STPG2: variants seen among roughly 807,000 people sequenced by gnomAD.
The protein encoded by STPG2 is sperm tail PG-rich repeat containing 2.
A neutral mutation model predicts 54.2 loss-of-function variants in STPG2; 56 were observed. The ratio of observed to expected loss-of-function variants is 1.03; its 90% CI spans 0.83 to 1.29. STPG2 has a LOEUF of 1.29. STPG2 is among the 50% of genes most tolerant of loss of function. The pLI is 0.00. For synonymous variants in STPG2, 200 were observed against 181.8 expected, an observed-to-expected ratio of 1.10 and a Z score of -0.81; for missense variants, 596 against 544.9, an observed-to-expected ratio of 1.09 and a Z score of -0.93.
Position 97,620,240 on chromosome 4 carries a change from G to T in STPG2, c.1321-61123C>A, listed in dbSNP as rs1043428005. Among the ~76,000 whole-genome samples the T allele has an allele frequency of 3.9e-5, 6 of 152,274 alleles. 1 individual carries two copies. Among genetic ancestry groups the T allele is most frequent in the Admixed American group, 6.5e-5 (1 of 15,304 alleles). ...AGGATAATAACTGGCATGTAACAAA[G>T]TCTTAATAAATATTTTTGAAAGAGT... On this transcript the variant is annotated intron_variant, in intron 10 of 10. Transcript: ENST00000295268.
chr4:98,003,365 G>A lies in STPG2; in HGVS notation c.613-22047C>T, dbSNP rs553617856. On this transcript the variant is annotated intron_variant, in intron 5 of 10. Transcript: ENST00000295268. ...TGCTCTGTTGGAACATTTGGAATTG[G>A]CTTACAAATTAGCTAAATAATACAT... Among the ~76,000 whole-genome samples the A allele has an allele frequency of 4.6e-4, 70 of 151,878 alleles. 1 individual carries two copies. Among genetic ancestry groups the A allele is most frequent in the Admixed American group, 1.9e-3 (29 of 15,238 alleles).
At chr4:97,732,836 GCTAAAA>G (rs1384361841) in intron 9 of STPG2, among the ~76,000 whole-genome samples, 1 of 152,054 alleles carries the variant, frequency 6.6e-6, no homozygotes, top group Non-Finnish European at 1.5e-5. Context: ...ATGAAAAAAT[GCTAAAA>G]CCACTAATCA....
intron 8 of STPG2, among the ~76,000 whole-genome samples, chr4:97,889,736 G>T (rs1730699113): frequency 6.6e-6 from 1 of 152,110 alleles, no homozygotes. Flanking sequence ...CATTCAGACA[G>T]TAGGAAAAGT....
intron 4 of STPG2, among the ~76,000 whole-genome samples, chr4:97,511,773 CA>C (rs1730978319): frequency 6.6e-6 from 1 of 151,406 alleles, no homozygotes; most frequent in Admixed American, 6.6e-5. Context: ...GAAAACAGAG[CA>C]ATTATGTAAT....
At chr4:98,059,242 T>C (rs1283458434) in intron 5 of STPG2, among the ~76,000 whole-genome samples, 1 of 151,932 alleles carries the variant, frequency 6.6e-6, no homozygotes, top group Non-Finnish European at 1.5e-5. Flanking sequence ...CTAGAAAACC[T>C]AGAAGAGACG....
At chr4:98,018,466 C>A (rs1394681371) in intron 5 of STPG2, among the ~76,000 whole-genome samples, 46 of 152,230 alleles carry the variant, frequency 3.0e-4, no homozygotes, top group Non-Finnish European at 1.5e-5. Context: ...TGAGTAGTGC[C>A]ACAATAAACA....
In STPG2 at chr4:97,789,387, C is replaced by G. The variant is rs575583282; in HGVS notation, c.1204+51386G>C. ...TTCGCAATATGCAGGTGTTTCATCA[C>G]CTAGAACATAACATTTTCTAAAGCC... On this transcript the variant is annotated intron_variant, in intron 9 of 10. Transcript: ENST00000295268. 2.6e-5 allele frequency among the ~76,000 whole-genome samples: 4 copies of G among 152,032 alleles called. No individual in the cohort carries two copies. In the South Asian group the frequency reaches 8.3e-4, roughly 32 times the overall value.
At chr4:97,600,104 G>A (rs1204677180) in intron 10 of STPG2, among the ~76,000 whole-genome samples, 1 of 152,072 alleles carries the variant, frequency 6.6e-6, no homozygotes, top group East Asian at 1.9e-4. Context: ...GAAGGTTGGT[G>A]GAGCGTGAGG....
intron 10 of STPG2, among the ~76,000 whole-genome samples, chr4:97,654,698 G>A (rs911788441): frequency 4.6e-5 from 7 of 151,618 alleles, no homozygotes; most frequent in Admixed American, 2.6e-4. Context: ...TGAGAAGAGC[G>A]GCCAGAACAC....
intron 8 of STPG2, among the ~76,000 whole-genome samples, chr4:97,901,424 C>T (rs1396046726): frequency 2.0e-5 from 3 of 151,810 alleles, no homozygotes; most frequent in African/African-American, 4.8e-5. Context: ...CATGTTCTTA[C>T]ATATAGAAAG....
At chr4:97,719,822 T>G (rs1388240308) in intron 9 of STPG2, among the ~76,000 whole-genome samples, 2 of 151,978 alleles carry the variant, frequency 1.3e-5, no homozygotes, top group African/African-American at 4.8e-5. Context: ...TTTTTAGTAA[T>G]TGTCCATGAA....
chr4:97,937,370 G>A (rs35685312), intron 8 of STPG2, among the ~76,000 whole-genome samples: 59,262 of 151,700 alleles, frequency 0.39, 11,686 homozygotes, highest in Middle Eastern at 0.46. Flanking sequence ...CTTTCTAAAG[G>A]CTACTTCTGT....
intron 10 of STPG2, among the ~76,000 whole-genome samples, chr4:97,593,633 T>G (rs879621812): frequency 6.6e-6 from 1 of 152,114 alleles, no homozygotes; most frequent in Admixed American, 6.5e-5. Context: ...CCAGACCCAC[T>G]GCTACACCAC....
chr4:97,557,109 A>G (rs1372820261), downstream of STPG2, among the ~76,000 whole-genome samples: 1 of 152,100 alleles, frequency 6.6e-6, no homozygotes, highest in East Asian at 1.9e-4. Flanking sequence ...TGAACCTGGG[A>G]GGCGGAGGTT....
chr4:97,842,682 A>C (rs1728837699), intron 8 of STPG2, among the ~76,000 whole-genome samples: 1 of 151,958 alleles, frequency 6.6e-6, no homozygotes. Context: ...AAGAAACTGC[A>C]TCAGTGATCA....
intron 4 of STPG2, among the ~76,000 whole-genome samples, chr4:97,490,437 G>T (rs1730479852): frequency 6.6e-6 from 1 of 151,280 alleles, no homozygotes; most frequent in South Asian, 2.1e-4. Flanking sequence ...CTACTACTCT[G>T]TTTGCCACTT....
At chr4:97,791,425 G>A (rs1440545327) in intron 9 of STPG2, among the ~76,000 whole-genome samples, 3 of 151,984 alleles carry the variant, frequency 2.0e-5, no homozygotes, top group South Asian at 2.1e-4. Context: ...TGACACTGAT[G>A]TTACAATTTT....
chr4:97,781,794 A>G lies in STPG2; in HGVS notation c.1204+58979T>C, dbSNP rs557285452. ...TGGTTCAACATAGGCAAATCAATAA[A>G]CGTAATCCAGCATATAAACAGAACC... On this transcript the variant is annotated intron_variant, in intron 9 of 10. Transcript: ENST00000295268. Among the ~76,000 whole-genome samples, 9 of 152,220 alleles carry G rather than the reference A, an allele frequency of 5.9e-5. No individual in the cohort carries two copies. In the South Asian group the frequency reaches 1.9e-3, roughly 32 times the overall value.
chr4:98,106,156 C>A, intron 4 of STPG2, 92 bp from the exon 5 acceptor site: 1 of 899,450 alleles, frequency 1.1e-6, no homozygotes, highest in Non-Finnish European at 1.6e-6. Context: ...AGCAACATGT[C>A]CTGCAATTAA....
Sources: gnomAD v4.1 joint callset for allele counts (sites outside exome capture counted in the v4.1 genomes callset) on GRCh38, gnomAD v4.1.1 for gene constraint, MANE v1.5 for transcripts, NCBI Gene and HGNC (gene_info 2026-07-23, HGNC 2026-07-21) for gene names.